Variants in TRIM29 observed in about 807,000 individuals in gnomAD.
The protein encoded by TRIM29 is tripartite motif-containing protein 29.
TRIM29 carries 52 observed loss-of-function variants against 57.3 expected under a neutral mutation model. The ratio of observed to expected loss-of-function variants is 0.91; its 90% CI spans 0.73 to 1.14. TRIM29 has a LOEUF of 1.14. Among genes scored for constraint, TRIM29 ranks in the 50% most tolerant of loss-of-function variants. The pLI is 0.00. For synonymous variants in TRIM29, 319 were observed against 316.9 expected (o/e 1.01, Z -0.07); for missense variants, 753 against 774.6 (o/e 0.97, Z 0.33).
At chr11:120,130,682 C>A (rs1320043705) in intron 1 of TRIM29, among the ~76,000 whole-genome samples, 1 of 152,214 alleles carries the variant, frequency 6.6e-6, no homozygotes, top group Admixed American at 6.5e-5. Flanking sequence ...GCATTTGGCA[C>A]AGCGTGAGCA....
At chr11:120,127,667 A>G in intron 2 of TRIM29, 98 bp from the exon 3 acceptor site, 1 of 1,135,420 alleles carries the variant, frequency 8.8e-7, no homozygotes, top group Non-Finnish European at 1.2e-6. Flanking sequence ...GCACAGGATC[A>G]GGGCATTCCC....
rs774718371 is a variant in TRIM29 at position 120,138,076 on chromosome 11, G to C, written c.-45C>G. 6.6e-5 allele frequency: 101 copies of C among 1,520,528 alleles called. No individual in the cohort carries two copies. Among genetic ancestry groups the C allele is most frequent in the Non-Finnish European group, 8.8e-5 (100 of 1,141,054 alleles). The allele number at this position is 1,520,528 out of a possible 1,614,324, so 94.2% of individuals were successfully genotyped here. A position where few individuals can be genotyped will look rare whatever the true frequency, so the allele number is the denominator to read the frequency against. ...CTGTTTCAGGCTTGCTGGGGTTCAG[G>C]ATAGGTGACCTTTCTGGCAGGCGTC... On this transcript the variant is annotated 5_prime_UTR_variant, in exon 1 of 9. In the 5' UTR this introduces an upstream ATG that the reference lacks. Coordinates refer to ENST00000341846, the MANE Select transcript of TRIM29 (RefSeq NM_012101.4).
Position 120,137,173 on chromosome 11 carries a change from G to A in TRIM29, c.804+55C>T, listed in dbSNP as rs1863833773. The A allele has an allele frequency of 3.8e-6, 6 of 1,584,780 alleles. No individual in the cohort carries two copies. Among genetic ancestry groups the A allele is most frequent in the Non-Finnish European group, 5.2e-6 (6 of 1,159,982 alleles). On this transcript the variant is annotated intron_variant, in intron 1 of 8. Coordinates refer to ENST00000341846, the MANE Select transcript of TRIM29 (RefSeq NM_012101.4). This position sits in a 1 kb window ranked among gnomAD's most constrained non-coding sequence, Gnocchi z 6.2. ...CCGAGTGGAGAAGATGAAGTTCGGA[G>A]GGGTGGGGTGAGAGAGGAGAGGCCT...
chr11:120,137,482 C>G lies in TRIM29; in HGVS notation c.550G>C (p.Val184Leu), dbSNP rs377767292. 3 of 1,602,712 alleles carry G rather than the reference C, an allele frequency of 1.9e-6. No homozygotes were observed. The highest frequency in any genetic ancestry group is 1.1e-5 in the South Asian group (1 of 91,050). ...DSCIGNKQKA[V>L]KSCLVCQASF... ...GCCTGGCACACCAGGCAGGACTTGA[C>G]CGCCTTCTGCTTGTTGCCGATGCAG... The change falls in exon 1 of 9, where the codon GTC (valine) becomes CTC (leucine). Residue 184 changes from valine to leucine, a missense_variant. Physicochemically the swap from Val to Leu is conservative, Grantham distance 32. Coordinates refer to ENST00000341846, the MANE Select transcript of TRIM29 (RefSeq NM_012101.4). The surrounding 1 kb of genome is among the most constrained non-coding windows in gnomAD (Gnocchi z 6.2).
rs554764550 is a variant in TRIM29, at chr11:120,129,874, CAGT to C, written c.805-1382_805-1380del. Among the ~76,000 whole-genome samples, 615 of 152,200 alleles carry C rather than the reference CAGT, an allele frequency of 4.0e-3. 3 individuals are homozygous for C. The highest frequency in any genetic ancestry group is 0.013 in the African/African-American group (560 of 41,530). ...AGGCAGGGAGATTCAGAGTTGTTCT[CAGT>C]AGCATTTGCCCCACCAGCAAACGGC... On this transcript the variant is annotated intron_variant, in intron 1 of 8. Coordinates refer to ENST00000341846, the MANE Select transcript of TRIM29 (RefSeq NM_012101.4).
In TRIM29 at chr11:120,122,977, T is replaced by G. The variant is rs974800622; in HGVS notation, c.1412A>C (p.Tyr471Ser). 1.9e-6 allele frequency: 3 copies of G among 1,613,908 alleles called. No individual in the cohort carries two copies. Among genetic ancestry groups the G allele is most frequent in the Non-Finnish European group, 2.5e-6 (3 of 1,179,930 alleles). Residue 471 changes from tyrosine to serine, a missense_variant, in exon 5 of 9, where the codon TAC (tyrosine) becomes TCC (serine). Transcript: ENST00000341846. ...EWSAPDTMKR[Y>S]SMYLTPKGGV... ...ACCTTTGGGTGTCAGGTACATGGAG[T>G]ATCTCTTCATGGTGTCCGGTGCACT...
intron 7 of TRIM29, chr11:120,117,206 G>A (rs1011310833): frequency 2.3e-5 from 5 of 212,986 alleles, no homozygotes; most frequent in Non-Finnish European, 4.8e-5. Flanking sequence ...CTTGAGCAGA[G>A]AGCAGAAAGG....
Position 120,137,220 on chromosome 11 carries a change from G to A in TRIM29, c.804+8C>T, listed in dbSNP as rs375120941. 1.7e-5 allele frequency: 28 copies of A among 1,613,486 alleles called. 1 individual carries two copies. Among genetic ancestry groups the A allele is most frequent in the Middle Eastern group, 3.3e-4 (2 of 6,060 alleles). On this transcript the variant is annotated splice_region_variant and intron_variant, in intron 1 of 8. Transcript: ENST00000341846. The surrounding 1 kb of genome is among the most constrained non-coding windows in gnomAD (Gnocchi z 6.2). ...GCCTGGAGGGGCAGGAGGGGCCCCA[G>A]CACTTACCTCCTTCTCGGCCTTGGC...
chr11:120,122,159 T>TGA (rs1863469495), intron 5 of TRIM29, among the ~76,000 whole-genome samples: 1 of 146,934 alleles, frequency 6.8e-6, no homozygotes, highest in African/African-American at 2.6e-5. Flanking sequence ...TGTGTGTGTG[T>TGA]GTGTGAAAGA....
Position 120,112,781 on chromosome 11 carries a change from C to T in TRIM29, c.1705-305G>A, listed in dbSNP as rs561916383. On this transcript the variant is annotated intron_variant, in intron 8 of 8. Transcript: ENST00000341846. Reference sequence around the variant, plus strand: ...CCACAGCTCAAGGAGGTTCCTCCAGCGCCACCACAGCTACTATTTATATAG... The same window carrying T: ...CCACAGCTCAAGGAGGTTCCTCCAGTGCCACCACAGCTACTATTTATATAG... Among the ~76,000 whole-genome samples, 7 of 152,304 alleles carry T rather than the reference C, an allele frequency of 4.6e-5. No homozygotes were observed. In the South Asian group the frequency reaches 6.2e-4, roughly 14 times the overall value.
At chr11:120,117,014 G>A (rs1419974320) in intron 7 of TRIM29, 1 of 448,020 alleles carries the variant, frequency 2.2e-6, no homozygotes, top group Non-Finnish European at 4.5e-6. Flanking sequence ...ACTCTGCAGT[G>A]GCCTGTCCCA....
At chr11:120,132,424 CT>C (rs1220522641) in intron 1 of TRIM29, among the ~76,000 whole-genome samples, 1 of 152,200 alleles carries the variant, frequency 6.6e-6, no homozygotes, top group Admixed American at 6.5e-5. Context: ...TAAATGACTC[CT>C]TTGTTCCCTT....
chr11:120,115,382 T>G lies in TRIM29; in HGVS notation c.1660A>C (p.Lys554Gln). ...YPSLMRSQSPKAQPQTWKSGK... is the reference protein window; with the variant it reads ...YPSLMRSQSPQAQPQTWKSGK... ...GATTTCCAAGTCTGGGGCTGGGCCT[T>G]GGGGCTTTGGCTCCGCATGAGGGAG... Residue 554 changes from lysine (K) to glutamine (Q), a missense_variant, in exon 8 of 9, where the codon AAG becomes CAG. Coordinates refer to ENST00000341846, the MANE Select transcript of TRIM29 (RefSeq NM_012101.4). 1 of 1,613,882 alleles carries G rather than the reference T, an allele frequency of 6.2e-7. No homozygotes were observed. The highest frequency in any genetic ancestry group is 8.5e-7 in the Non-Finnish European group (1 of 1,179,946).
chr11:120,112,582 C>G, intron 8 of TRIM29, 106 bp from the exon 9 acceptor site: 3 of 1,235,062 alleles, frequency 2.4e-6, no homozygotes, highest in Non-Finnish European at 3.5e-6. Context: ...GATCCAAGAC[C>G]CGACAATTCT....
chr11:120,123,296 A>G (rs1381574320), intron 4 of TRIM29: 2 of 673,548 alleles, frequency 3.0e-6, no homozygotes, highest in African/African-American at 3.5e-5. Flanking sequence ...AGCCCTTGTA[A>G]ATACGATTGT....
At chr11:120,128,791 G>A (rs1863657522) in intron 1 of TRIM29, 2 of 1,532,104 alleles carry the variant, frequency 1.3e-6, no homozygotes, top group Non-Finnish European at 1.7e-6. Context: ...CCTCCACCCA[G>A]CAAGAGCAGG....
At chr11:120,136,466 A>C (rs1863814713) in intron 1 of TRIM29, among the ~76,000 whole-genome samples, 1 of 152,224 alleles carries the variant, frequency 6.6e-6, no homozygotes, top group African/African-American at 2.4e-5. Context: ...CTAGCTGTAC[A>C]CGTACACGCC....
At chr11:120,126,222 G>T (rs1863586474) in intron 3 of TRIM29, 1 of 214,832 alleles carries the variant, frequency 4.7e-6, no homozygotes, top group East Asian at 1.0e-4. Flanking sequence ...AATTACTATA[G>T]AATTTGGGGT....
intron 4 of TRIM29, 159 bp from the exon 5 acceptor site, chr11:120,123,214 C>G (rs1423373690): frequency 1.4e-6 from 1 of 711,276 alleles, no homozygotes; most frequent in Non-Finnish European, 2.5e-6. Flanking sequence ...GACGCCCTGC[C>G]CAGCATTCAC....
Sources: allele counts gnomAD v4.1 joint callset (sites outside exome capture counted in the v4.1 genomes callset), GRCh38; gene constraint gnomAD v4.1.1; non-coding constraint Gnocchi (gnomAD v3.1); transcripts MANE v1.5; gene names NCBI Gene and HGNC (gene_info 2026-07-23, HGNC 2026-07-21).